Variants in CPQ observed in about 807,000 individuals in gnomAD.
CPQ encodes the protein Ser-Met dipeptidase.
In CPQ, 37 loss-of-function variants were observed where a neutral mutation model predicts 45.7. That is an observed-to-expected ratio of 0.81 (90% CI 0.62 to 1.07). CPQ has a LOEUF of 1.07. CPQ is among the 50% of genes least tolerant of loss of function. The pLI is 0.00. For synonymous variants in CPQ, 186 were observed against 205.8 expected, an observed-to-expected ratio of 0.90 and a Z score of 0.82; for missense variants, 537 against 572.9, an observed-to-expected ratio of 0.94 and a Z score of 0.64.
At chr8:97,138,173 AT>A (rs1459515487) in intron 7 of CPQ, among the ~76,000 whole-genome samples, 1 of 152,142 alleles carries the variant, frequency 6.6e-6, no homozygotes, top group Non-Finnish European at 1.5e-5. Flanking sequence ...TCAGCCTGAC[AT>A]TTAGGACCTT....
rs142978571 is a variant in CPQ, at chr8:97,143,025, A to G, written c.1261A>G (p.Ser421Gly). Residue 421 changes from serine (S) to glycine (G), a missense_variant, in exon 8 of 8, where the codon AGT becomes GGT. Coordinates refer to ENST00000220763, the MANE Select transcript of CPQ (RefSeq NM_016134.4). ...TCTTCCTCTTTTATCCCCAGGAGCC[A>G]GTCTACTTGATGACTTATACAAGTA... ...FWIQAGVPGASLLDDLYKYFF... is the reference protein window; with the variant it reads ...FWIQAGVPGAGLLDDLYKYFF... 945 of 1,613,704 alleles carry G rather than the reference A, an allele frequency of 5.9e-4. 2 individuals carry two copies. In the African/African-American group the frequency reaches 0.011, roughly 18 times the overall value.
Position 96,730,216 on chromosome 8 carries a change from TG to T in CPQ, c.-34-54647del, listed in dbSNP as rs894194733. Among the ~76,000 whole-genome samples, 5 of 152,190 alleles carry T rather than the reference TG, an allele frequency of 3.3e-5. No individual in the cohort carries two copies. In the East Asian group the frequency reaches 9.6e-4, roughly 29 times the overall value. On this transcript the variant is annotated intron_variant, in intron 1 of 7. Transcript: ENST00000220763. ...GCCAGGCCATAGATAGCACAGAACTTGAGGATATGATAATCCTATTGGCTGT... is the reference window on the plus strand; with the variant it reads ...GCCAGGCCATAGATAGCACAGAACTTAGGATATGATAATCCTATTGGCTGT...
intron 1 of CPQ, among the ~76,000 whole-genome samples, chr8:96,722,669 C>G (rs577839983): frequency 4.6e-5 from 7 of 152,256 alleles, no homozygotes; most frequent in African/African-American, 1.7e-4. Flanking sequence ...CAGCAACTAA[C>G]CTTAAAATCT....
At chr8:96,902,734 C>T (rs1563524830) in intron 4 of CPQ, among the ~76,000 whole-genome samples, 1 of 152,170 alleles carries the variant, frequency 6.6e-6, no homozygotes, top group East Asian at 1.9e-4. Context: ...GATACTAAGC[C>T]ATGGGGCACG....
intron 4 of CPQ, among the ~76,000 whole-genome samples, chr8:96,894,366 G>A (rs1812417297): frequency 6.6e-6 from 1 of 152,132 alleles, no homozygotes; most frequent in Non-Finnish European, 1.5e-5. Context: ...ACACAGAAAG[G>A]AATAACTGTG....
chr8:96,798,423 C>T (rs1810964246), intron 2 of CPQ, among the ~76,000 whole-genome samples: 1 of 152,126 alleles, frequency 6.6e-6, no homozygotes, highest in Non-Finnish European at 1.5e-5. Flanking sequence ...CAAGCATAAG[C>T]CACCATGCCC....
chr8:97,020,931 A>G (rs1322475809), intron 5 of CPQ, among the ~76,000 whole-genome samples: 2 of 152,122 alleles, frequency 1.3e-5, no homozygotes, highest in Non-Finnish European at 2.9e-5. Context: ...AAAGAAAACT[A>G]AAGACCAATA....
intron 1 of CPQ, among the ~76,000 whole-genome samples, chr8:96,691,347 C>T (rs549722852): frequency 6.6e-6 from 1 of 152,204 alleles, no homozygotes; most frequent in South Asian, 2.1e-4. Context: ...TAGGGCCCAT[C>T]CAGGATGATC....
At chr8:96,857,451 G>A (rs1811865791) in intron 3 of CPQ, among the ~76,000 whole-genome samples, 1 of 152,154 alleles carries the variant, frequency 6.6e-6, no homozygotes, top group Non-Finnish European at 1.5e-5. Context: ...TTGCCCTTAA[G>A]CAGTCTTATC....
At chr8:96,982,022 A>G (rs191873103) in intron 5 of CPQ, among the ~76,000 whole-genome samples, 484 of 152,294 alleles carry the variant, frequency 3.2e-3, no homozygotes, top group African/African-American at 0.011. Context: ...TAGAGTTGCA[A>G]AGATGGAAAA....
intron 2 of CPQ, 28 bp downstream of exon 2, chr8:96,785,358 G>A: frequency 2.0e-6 from 3 of 1,528,170 alleles, no homozygotes; most frequent in East Asian, 2.3e-5. Context: ...AGTTTGATTT[G>A]TATTTTATAA....
chr8:96,827,934 C>A (rs926048302), intron 2 of CPQ, among the ~76,000 whole-genome samples: 2 of 152,054 alleles, frequency 1.3e-5, no homozygotes, highest in African/African-American at 4.8e-5. Context: ...GCTTGTTTCA[C>A]TGAAAATATT....
At chr8:96,773,257 A>G (rs1365473349) in intron 1 of CPQ, among the ~76,000 whole-genome samples, 2 of 152,222 alleles carry the variant, frequency 1.3e-5, no homozygotes, top group African/African-American at 4.8e-5. Flanking sequence ...TTTAATATGC[A>G]AAGACAAATA....
At chr8:96,808,732 G>C (rs1811118337) in intron 2 of CPQ, among the ~76,000 whole-genome samples, 1 of 152,140 alleles carries the variant, frequency 6.6e-6, no homozygotes, top group Admixed American at 6.6e-5. Flanking sequence ...TTGTTCTTAT[G>C]TTTTTCAAGG....
At chr8:97,093,346 C>T (rs897625035) in intron 7 of CPQ, among the ~76,000 whole-genome samples, 1 of 152,094 alleles carries the variant, frequency 6.6e-6, no homozygotes, top group African/African-American at 2.4e-5. Context: ...AATTGTTCTA[C>T]CATAAAGACA....
At chr8:97,052,025 A>G (rs1315068403) in intron 6 of CPQ, among the ~76,000 whole-genome samples, 1 of 152,144 alleles carries the variant, frequency 6.6e-6, no homozygotes. Flanking sequence ...CTTTTTATTC[A>G]ACCCTCCTTG....
chr8:96,756,682 T>G (rs1810330417), intron 1 of CPQ, among the ~76,000 whole-genome samples: 1 of 152,190 alleles, frequency 6.6e-6, no homozygotes, highest in African/African-American at 2.4e-5. Context: ...TGGACCATTC[T>G]TGGGAAATGT....
At chr8:96,856,167 A>G (rs1460380440) in intron 3 of CPQ, among the ~76,000 whole-genome samples, 3 of 152,204 alleles carry the variant, frequency 2.0e-5, no homozygotes, top group East Asian at 1.9e-4. Context: ...GAGTGATATG[A>G]TCTAATCTGT....
At chr8:96,725,573 A>G (rs1299032521) in intron 1 of CPQ, among the ~76,000 whole-genome samples, 1 of 152,124 alleles carries the variant, frequency 6.6e-6, no homozygotes, top group Non-Finnish European at 1.5e-5. Context: ...TTATTAAAAG[A>G]CAAAAAATAA....
Sources: gnomAD v4.1 joint callset for allele counts (sites outside exome capture counted in the v4.1 genomes callset) on GRCh38, gnomAD v4.1.1 for gene constraint, MANE v1.5 for transcripts, NCBI Gene and HGNC (gene_info 2026-07-23, HGNC 2026-07-21) for gene names.